TTF2: variants seen among roughly 807,000 people sequenced by gnomAD.
TTF2 encodes the protein transcription termination factor 2.
Under a neutral mutation model 142.4 loss-of-function variants are expected in TTF2, and 108 were observed. That is an observed-to-expected ratio of 0.76 (90% confidence interval 0.65 to 0.89). The LOEUF (loss-of-function observed/expected upper bound fraction) is 0.89, where lower values mean the gene tolerates loss of function less well. Among genes scored for constraint, TTF2 ranks in the 40% least tolerant of loss-of-function variants. TTF2 has a pLI of 0.00. For missense variants in TTF2, 1,327 were observed against 1,379.8 expected (o/e 0.96, Z 0.61); for synonymous variants, 483 against 506.2 (o/e 0.95, Z 0.61).
chr1:117,095,116 CTT>C (rs370037587), intron 18 of TTF2, among the ~76,000 whole-genome samples, 191 bp from the exon 19 acceptor site: 1 of 152,272 alleles, frequency 6.6e-6, no homozygotes, highest in African/African-American at 2.4e-5. Context: ...TATGGAAGGG[CTT>C]TAGCCAGAGG....
rs1356567091 is a variant in TTF2 at position 117,080,407 on chromosome 1, T to G, written c.1783+758T>G. On this transcript the variant is annotated intron_variant, in intron 9 of 22. Coordinates refer to ENST00000369466, the MANE Select transcript of TTF2 (RefSeq NM_003594.4). The surrounding 1 kb of genome is among the most constrained non-coding windows in gnomAD (Gnocchi z 4.3). ...CAAAGTCAGTTGTTTCTATAGCCAC[T>G]GTTTCCTGCAGAAAGGATTTCATAG... 2.0e-5 allele frequency among the ~76,000 whole-genome samples: 3 copies of G among 152,180 alleles called. No homozygotes were observed. The East Asian group carries it at 5.8e-4, about 29-fold the overall frequency.
Position 117,090,458 on chromosome 1 carries a change from GTATGGGGAATT to G in TTF2, c.2497-72_2497-62del. 1 of 1,402,428 alleles carries G rather than the reference GTATGGGGAATT, an allele frequency of 7.1e-7. No homozygotes were observed. 86.9% of individuals were successfully genotyped at this position (1,402,428 alleles called of 1,614,324 possible). On this transcript the variant is annotated intron_variant, in intron 14 of 22. Coordinates refer to ENST00000369466, the MANE Select transcript of TTF2 (RefSeq NM_003594.4). The surrounding 1 kb of genome is among the most constrained non-coding windows in gnomAD (Gnocchi z 4.8). ...AGGGTTGACTAGATATGCAGTGTCAGTATGGGGAATTTGTTCTATAATAGGCAGTTAATTTG... is the reference window on the plus strand; with the variant it reads ...AGGGTTGACTAGATATGCAGTGTCAGTGTTCTATAATAGGCAGTTAATTTG...
rs1423700602 is a variant in TTF2, at chr1:117,079,394, A to G, written c.1702-174A>G. 6.6e-6 allele frequency among the ~76,000 whole-genome samples: 1 copy of G among 152,206 alleles called. No homozygotes were observed. Among genetic ancestry groups the G allele is most frequent in the Non-Finnish European group, 1.5e-5 (1 of 68,044 alleles). ...ACAAACAGGGGCAGACCAGGACAGTATGGTTACCCTTGAGAGAGGGTGCTG... is the reference window on the plus strand; with the variant it reads ...ACAAACAGGGGCAGACCAGGACAGTGTGGTTACCCTTGAGAGAGGGTGCTG... On this transcript the variant is annotated intron_variant, in intron 8 of 22. Coordinates refer to ENST00000369466, the MANE Select transcript of TTF2 (RefSeq NM_003594.4). The surrounding 1 kb of genome is among the most constrained non-coding windows in gnomAD (Gnocchi z 4.2).
chr1:117,061,466 TAGAGA>T (rs911498018), intron 2 of TTF2, among the ~76,000 whole-genome samples: 4 of 152,248 alleles, frequency 2.6e-5, no homozygotes, highest in Non-Finnish European at 4.4e-5. Flanking sequence ...CAAAACTTGG[TAGAGA>T]AAAGTTATTT....
In TTF2 at chr1:117,087,183, C is replaced by G. The variant is rs974697299; in HGVS notation, c.2160+661C>G. Among the ~76,000 whole-genome samples the G allele has an allele frequency of 9.2e-5, 14 of 152,216 alleles. No homozygotes were observed. The highest frequency in any genetic ancestry group is 1.8e-4 in the Non-Finnish European group (12 of 68,038). On this transcript the variant is annotated intron_variant, in intron 12 of 22. Transcript: ENST00000369466. This position sits in a 1 kb window ranked among gnomAD's most constrained non-coding sequence, Gnocchi z 4.8. Reference sequence around the variant, plus strand: ...TTGGAGAGATCTCTAGAACATTTCTCCAGCTTATAACCAACTCTGACTTAT... The same window carrying G: ...TTGGAGAGATCTCTAGAACATTTCTGCAGCTTATAACCAACTCTGACTTAT...
chr1:117,102,804 T>C lies in TTF2; in HGVS notation c.*1280T>C, dbSNP rs1649687963. ...TAATAATACTATTGGTACAATCCAATACTAATAATACTAACAGTAGTATTG... is the reference window on the plus strand; with the variant it reads ...TAATAATACTATTGGTACAATCCAACACTAATAATACTAACAGTAGTATTG... On this transcript the variant is annotated 3_prime_UTR_variant, in exon 23 of 23. Transcript: ENST00000369466. The C allele has an allele frequency of 6.6e-6, 1 of 151,616 alleles. No homozygotes were observed. Among genetic ancestry groups the C allele is most frequent in the Non-Finnish European group, 1.5e-5 (1 of 68,038 alleles). The allele number at this position is 151,616 out of a possible 1,614,324, so 9.4% of individuals were successfully genotyped here. A position where few individuals can be genotyped will look rare whatever the true frequency, so the allele number is the denominator to read the frequency against.
rs753405124 is a variant in TTF2, at chr1:117,073,641, T to G, written c.219-20T>G. On this transcript the variant is annotated intron_variant, in intron 3 of 22. Transcript: ENST00000369466. The surrounding 1 kb of genome is among the most constrained non-coding windows in gnomAD (Gnocchi z 4.4). The stretch of plus-strand genomic sequence containing the variant: ...ATGGATTTTCATAGCCTTGATTATT[T>G]GTGTTTTATACTTCATTAGATTGTT... 29 of 1,589,832 alleles carry G rather than the reference T, an allele frequency of 1.8e-5. No individual in the cohort carries two copies. The highest frequency in any genetic ancestry group is 2.2e-5 in the Non-Finnish European group (26 of 1,162,090).
At chr1:117,066,657 A>G (rs1373913023) in intron 3 of TTF2, among the ~76,000 whole-genome samples, 1 of 145,098 alleles carries the variant, frequency 6.9e-6, no homozygotes, top group Non-Finnish European at 1.5e-5. Context: ...GAGTATTGGG[A>G]TGTGTGGCAA....
chr1:117,077,896 TA>T lies in TTF2; in HGVS notation c.1574-18del. Reference sequence around the variant, plus strand: ...AAACATACTTGTGACATCTTTTAGGTAACACCTATTTGTATGCAGGCCATAC... The same window carrying T: ...AAACATACTTGTGACATCTTTTAGGTACACCTATTTGTATGCAGGCCATAC... On this transcript the variant is annotated intron_variant, in intron 7 of 22. Transcript: ENST00000369466. 1 of 1,613,656 alleles carries T rather than the reference TA, an allele frequency of 6.2e-7. No homozygotes were observed. The highest frequency in any genetic ancestry group is 8.5e-7 in the Non-Finnish European group (1 of 1,179,672).
rs1308899547 is a variant in TTF2 at position 117,071,191 on chromosome 1, CAT to C, written c.219-2467_219-2466del. The stretch of plus-strand genomic sequence containing the variant: ...ATGTATTGAAATGTACATGAAATGA[CAT>C]ATGCACAGTTTCACTCCTTGTGCCA... On this transcript the variant is annotated intron_variant, in intron 3 of 22. Transcript: ENST00000369466. Among the ~76,000 whole-genome samples, 9 of 151,946 alleles carry C rather than the reference CAT, an allele frequency of 5.9e-5. No homozygotes were observed. In the East Asian group the frequency reaches 1.7e-3, roughly 29 times the overall value.
chr1:117,073,847 GAT>G lies in TTF2; in HGVS notation c.285+122_285+123del. 1 of 885,092 alleles carries G rather than the reference GAT, an allele frequency of 1.1e-6. No homozygotes were observed. The highest frequency in any genetic ancestry group is 1.7e-6 in the Non-Finnish European group (1 of 604,552). The allele number at this position is 885,092 out of a possible 1,614,324, so 54.8% of individuals were successfully genotyped here. The stretch of plus-strand genomic sequence containing the variant: ...GGTCTTCATCAGACTGTCTCCGAAA[GAT>G]AGTTTTCTTTAAGCAAGGTAGGCCC... On this transcript the variant is annotated intron_variant, in intron 4 of 22. Transcript: ENST00000369466. This position sits in a 1 kb window ranked among gnomAD's most constrained non-coding sequence, Gnocchi z 4.4.
intron 16 of TTF2, 27 bp downstream of exon 16, chr1:117,091,437 A>G: frequency 6.3e-7 from 1 of 1,576,434 alleles, no homozygotes; most frequent in South Asian, 1.2e-5. Flanking sequence ...TCATAAATAC[A>G]TATGACTGGT....
At position 117,105,075 on chromosome 1, in the gene TTF2, C is replaced by CT. The variant is rs1481248448; in HGVS notation, c.*3556dup. On this transcript the variant is annotated 3_prime_UTR_variant, in exon 23 of 23. Transcript: ENST00000369466. The surrounding 1 kb of genome is among the most constrained non-coding windows in gnomAD (Gnocchi z 4.7). Reference sequence around the variant, plus strand: ...TGTCACAATACTGCTGCTGGATTTGCTTTTTACATCTGCCTATTGCACCTG... The same window carrying CT: ...TGTCACAATACTGCTGCTGGATTTGCTTTTTTACATCTGCCTATTGCACCTG... 2.0e-5 allele frequency: 3 copies of CT among 152,144 alleles called. No homozygotes were observed. The highest frequency in any genetic ancestry group is 4.4e-5 in the Non-Finnish European group (3 of 68,056). The allele number at this position is 152,144 out of a possible 1,614,324, so 9.4% of individuals were successfully genotyped here.
intron 15 of TTF2, among the ~76,000 whole-genome samples, 163 bp from the exon 16 acceptor site, chr1:117,091,165 T>A (rs1426000339): frequency 6.6e-6 from 1 of 152,240 alleles, no homozygotes; most frequent in Non-Finnish European, 1.5e-5. Context: ...ATTGGTTTTT[T>A]AAAATAACTG....
intron 9 of TTF2, 149 bp from the exon 10 acceptor site, chr1:117,081,679 A>T (rs1238983265): frequency 1.1e-6 from 1 of 896,210 alleles, no homozygotes; most frequent in Non-Finnish European, 1.7e-6. Flanking sequence ...AGGAAGATAA[A>T]GGAGCCATTA....
chr1:117,060,842 A>T (rs544215001), intron 2 of TTF2, among the ~76,000 whole-genome samples: 3 of 152,096 alleles, frequency 2.0e-5, no homozygotes, highest in African/African-American at 7.2e-5. Flanking sequence ...CTGGGTTTCT[A>T]TTCACTTGAC....
At chr1:117,094,188 C>T (rs1483345729) in intron 18 of TTF2, among the ~76,000 whole-genome samples, 5 of 152,326 alleles carry the variant, frequency 3.3e-5, no homozygotes, top group South Asian at 4.1e-4. Flanking sequence ...ACTGTAATGA[C>T]ATCCTAGAAT....
rs1202268703 is a variant in TTF2 at position 117,060,548 on chromosome 1, G to A, written c.122G>A (p.Arg41Gln). The A allele has an allele frequency of 1.9e-6, 3 of 1,610,116 alleles. No individual in the cohort carries two copies. The highest frequency in any genetic ancestry group is 1.7e-5 in the Admixed American group (1 of 59,698). The change falls in exon 2 of 23, where the codon CGG becomes CAG. Residue 41 changes from arginine (R) to glutamine (Q), a missense_variant. Arg to Gln is a conservative substitution (Grantham distance 43). Transcript: ENST00000369466. ...VCRADTCSFVRATDIPVSHCL... is the reference protein window; with the variant it reads ...VCRADTCSFVQATDIPVSHCL... ...CGGGCAGACACGTGCAGCTTCGTGC[G>A]GGCCACCGAGTAGGTCTGGAGCTGG...
intron 3 of TTF2, 144 bp downstream of exon 3, chr1:117,062,617 G>A: frequency 1.6e-6 from 1 of 627,404 alleles, no homozygotes. Context: ...GTGTCTTTTG[G>A]CTGTCACTAC....
Sources: gnomAD v4.1 joint callset for allele counts (sites outside exome capture counted in the v4.1 genomes callset) on GRCh38, gnomAD v4.1.1 for gene constraint, Gnocchi (gnomAD v3.1) non-coding constraint, MANE v1.5 for transcripts, NCBI Gene and HGNC (gene_info 2026-07-23, HGNC 2026-07-21) for gene names.